Variants in CDH12 observed in about 807,000 individuals in gnomAD.
CDH12 encodes the protein cadherin 12.
In CDH12, 41 loss-of-function variants were observed where a neutral mutation model predicts 74.1. That is an observed-to-expected ratio of 0.55 (90% CI 0.43 to 0.72). The LOEUF (loss-of-function observed/expected upper bound fraction) is 0.72. Ranked by LOEUF, CDH12 falls within the 30% of genes least tolerant of loss-of-function variation. CDH12 has a pLI of 0.00. For synonymous variants in CDH12, 399 were observed against 355.0 expected (o/e 1.12, Z -1.39); for missense variants, 945 against 977.2 (o/e 0.97, Z 0.44).
chr5:22,838,290 A>T (rs1736923066), intron 1 of CDH12, among the ~76,000 whole-genome samples: 1 of 152,082 alleles, frequency 6.6e-6, no homozygotes, highest in Admixed American at 6.6e-5. Context: ...CCACCATCCT[A>T]GTGGCTGAAT....
At chr5:22,746,335 G>T (rs2127026545) in intron 1 of CDH12, among the ~76,000 whole-genome samples, 1 of 152,108 alleles carries the variant, frequency 6.6e-6, no homozygotes, top group Middle Eastern at 3.4e-3. Flanking sequence ...AAAAAAAGAA[G>T]GTCACCTTCT....
At chr5:22,186,734 G>T (rs1189528670) in intron 4 of CDH12, among the ~76,000 whole-genome samples, 1 of 152,176 alleles carries the variant, frequency 6.6e-6, no homozygotes, top group East Asian at 1.9e-4. Context: ...GCCTCCCAAA[G>T]TGCTGGGATT....
At chr5:21,904,104 C>A (rs1753524548) in intron 6 of CDH12, among the ~76,000 whole-genome samples, 1 of 152,144 alleles carries the variant, frequency 6.6e-6, no homozygotes, top group Non-Finnish European at 1.5e-5. Context: ...ATTATAACTA[C>A]TGTCTGCATT....
intron 2 of CDH12, among the ~76,000 whole-genome samples, chr5:22,452,455 GAAC>G (rs1054993435): frequency 4.6e-5 from 7 of 151,742 alleles, no homozygotes; most frequent in African/African-American, 1.7e-4. Flanking sequence ...AAGTTTCCAG[GAAC>G]ACACAATGGG....
chr5:22,641,300 A>G (rs752032991), intron 1 of CDH12, among the ~76,000 whole-genome samples: 4 of 152,162 alleles, frequency 2.6e-5, no homozygotes, highest in African/African-American at 4.8e-5. Flanking sequence ...AGGGGGTACT[A>G]GTGCAAACCC....
At chr5:21,851,481 C>T (rs1002677327) in intron 7 of CDH12, among the ~76,000 whole-genome samples, 3 of 149,774 alleles carry the variant, frequency 2.0e-5, no homozygotes, top group Non-Finnish European at 4.5e-5. Flanking sequence ...TAAAATAATA[C>T]AATATGTTAA....
At chr5:22,335,644 T>C (rs1739549471) in intron 3 of CDH12, among the ~76,000 whole-genome samples, 1 of 152,054 alleles carries the variant, frequency 6.6e-6, no homozygotes, top group Non-Finnish European at 1.5e-5. Context: ...AATCTCTTTT[T>C]GCCTGCTGCT....
intron 4 of CDH12, among the ~76,000 whole-genome samples, chr5:22,158,469 G>A (rs933516589): frequency 3.3e-5 from 5 of 151,938 alleles, no homozygotes; most frequent in Non-Finnish European, 7.4e-5. Flanking sequence ...GTACAACACA[G>A]TTCCATTTTA....
intron 3 of CDH12, among the ~76,000 whole-genome samples, chr5:22,230,406 A>G (rs959412947): frequency 6.6e-6 from 1 of 152,120 alleles, no homozygotes; most frequent in Non-Finnish European, 1.5e-5. Flanking sequence ...ATTCACAACA[A>G]AATGTCTTCA....
chr5:22,090,858 A>C (rs945748105), intron 4 of CDH12, among the ~76,000 whole-genome samples: 4 of 152,046 alleles, frequency 2.6e-5, no homozygotes, highest in African/African-American at 4.8e-5. Context: ...GATCTAGAAA[A>C]TGTATTTGAT....
chr5:22,000,086 G>A (rs1431976949), intron 5 of CDH12, among the ~76,000 whole-genome samples: 3 of 151,854 alleles, frequency 2.0e-5, no homozygotes. Context: ...TCACAGTGTA[G>A]AAATGTGACT....
chr5:22,735,541 C>T (rs919911531), intron 1 of CDH12, among the ~76,000 whole-genome samples: 3 of 151,840 alleles, frequency 2.0e-5, no homozygotes, highest in African/African-American at 7.2e-5. Flanking sequence ...AAATCCACCC[C>T]GAATGTCATC....
chr5:22,011,120 T>A (rs1247065642), intron 5 of CDH12, among the ~76,000 whole-genome samples: 2 of 152,054 alleles, frequency 1.3e-5, no homozygotes, highest in Non-Finnish European at 2.9e-5. Context: ...TGCCACTCAG[T>A]ACAGATGGAG....
At chr5:22,844,108 G>A (rs1407110183) in intron 1 of CDH12, among the ~76,000 whole-genome samples, 1 of 152,048 alleles carries the variant, frequency 6.6e-6, no homozygotes, top group Admixed American at 6.6e-5. Flanking sequence ...TGTTCCGGAA[G>A]ACATCCAGAT....
intron 6 of CDH12, among the ~76,000 whole-genome samples, chr5:21,869,884 G>A (rs1468129816): frequency 6.6e-6 from 1 of 152,136 alleles, no homozygotes; most frequent in Non-Finnish European, 1.5e-5. Flanking sequence ...TAGTGGTATG[G>A]TTTGGCTCTG....
chr5:22,356,720 C>A (rs1740576452), intron 3 of CDH12, among the ~76,000 whole-genome samples: 1 of 151,990 alleles, frequency 6.6e-6, no homozygotes, highest in East Asian at 1.9e-4. Context: ...CCTTTGATAC[C>A]AGTATCTTCA....
chr5:22,208,305 C>T lies in CDH12; in HGVS notation c.-187+4193G>A, dbSNP rs1275237914. On this transcript the variant is annotated intron_variant, in intron 4 of 14. Transcript: ENST00000382254. Reference sequence around the variant, plus strand: ...ATGTGAATGTGAAAAATGGGGAAGTCTCACCACTGCATGGTATGCCTGGAA... The same window carrying T: ...ATGTGAATGTGAAAAATGGGGAAGTTTCACCACTGCATGGTATGCCTGGAA... Among the ~76,000 whole-genome samples, 8 of 152,242 alleles carry T rather than the reference C, an allele frequency of 5.3e-5. No homozygotes were observed. In the East Asian group the frequency reaches 1.5e-3, roughly 29 times the overall value.
chr5:22,052,413 C>T (rs1223958581), intron 5 of CDH12, among the ~76,000 whole-genome samples: 2 of 151,758 alleles, frequency 1.3e-5, no homozygotes, highest in African/African-American at 4.9e-5. Context: ...AATCGTTCAC[C>T]TATGACAGCC....
chr5:21,908,153 G>T (rs1753721581), intron 6 of CDH12, among the ~76,000 whole-genome samples: 1 of 152,182 alleles, frequency 6.6e-6, no homozygotes, highest in Non-Finnish European at 1.5e-5. Context: ...GAGGTAGTTT[G>T]TTAACAGTAG....
Sources: allele counts gnomAD v4.1 joint callset (sites outside exome capture counted in the v4.1 genomes callset), GRCh38; gene constraint gnomAD v4.1.1; transcripts MANE v1.5; gene names NCBI Gene and HGNC (gene_info 2026-07-23, HGNC 2026-07-21).